Variants in FARP2 observed in about 807,000 individuals in gnomAD.
FARP2 encodes FERM, ARHGEF and pleckstrin domain-containing protein 2.
FARP2 carries 111 observed loss-of-function variants against 130.5 expected under a neutral mutation model. The observed-to-expected ratio is 0.85, with a 90% CI of 0.73 to 1.00. The LOEUF (loss-of-function observed/expected upper bound fraction) is 1.00, where lower values mean the gene tolerates loss of function less well. Ranked by LOEUF, FARP2 falls within the 50% of genes least tolerant of loss-of-function variation. The probability of loss-of-function intolerance (pLI) is 0.00; values close to 1 mark genes in which losing one functional copy is unlikely to be tolerated. For synonymous variants in FARP2, 504 were observed against 516.9 expected (o/e 0.98, Z 0.34); for missense variants, 1,385 against 1,346.3 (o/e 1.03, Z -0.45).
At position 241,491,682 on chromosome 2, in the gene FARP2, A is replaced by G; in HGVS notation, c.2787+3A>G. 1 of 1,591,242 alleles carries G rather than the reference A, an allele frequency of 6.3e-7. No homozygotes were observed. The highest frequency in any genetic ancestry group is 8.6e-7 in the Non-Finnish European group (1 of 1,166,306). On this transcript the variant is annotated splice_donor_region_variant and intron_variant, in intron 24 of 26. Transcript: ENST00000264042. Reference sequence around the variant, plus strand: ...CAGACCACAGTGCAGCTGTCGAGGTACGACCGCATGAGCACCACCTCAGTG... The same window carrying G: ...CAGACCACAGTGCAGCTGTCGAGGTGCGACCGCATGAGCACCACCTCAGTG...
intron 11 of FARP2, 121 bp downstream of exon 11, chr2:241,435,151 T>C: frequency 1.8e-6 from 1 of 565,402 alleles, no homozygotes; most frequent in East Asian, 3.4e-5. Flanking sequence ...TGGAATACAG[T>C]GGCATGATCA....
chr2:241,416,262 C>G (rs1214373934), intron 7 of FARP2, among the ~76,000 whole-genome samples: 1 of 151,990 alleles, frequency 6.6e-6, no homozygotes, highest in Non-Finnish European at 1.5e-5. Flanking sequence ...CCGCTAAAAA[C>G]CCTAGAAAGC....
At chr2:241,485,447 C>G (rs1300686523) in intron 21 of FARP2, among the ~76,000 whole-genome samples, 1 of 148,522 alleles carries the variant, frequency 6.7e-6, no homozygotes, top group East Asian at 2.0e-4. Context: ...TCCTAGAGTC[C>G]TCCCTCCCTC....
At chr2:241,412,911 C>T (rs1199123278) in intron 6 of FARP2, among the ~76,000 whole-genome samples, 2 of 152,092 alleles carry the variant, frequency 1.3e-5, no homozygotes, top group Non-Finnish European at 2.9e-5. Context: ...ACCTATAGTC[C>T]CAGCTACTTA....
chr2:241,466,697 C>CACCACCA, intron 17 of FARP2: 1 of 676,634 alleles, frequency 1.5e-6, no homozygotes, highest in Non-Finnish European at 1.8e-6. Context: ...CCACCCCCCC[C>CACCACCA]CCCACCACCA....
intron 14 of FARP2, among the ~76,000 whole-genome samples, chr2:241,458,463 T>C (rs938908721): frequency 2.0e-5 from 3 of 152,146 alleles, no homozygotes; most frequent in South Asian, 4.1e-4. Context: ...GGCAGTCTCC[T>C]CCTTCCTGGT....
In FARP2 at chr2:241,463,519, C is replaced by T. The variant is rs2064083623; in HGVS notation, c.1811+51C>T. 2.5e-6 allele frequency: 4 copies of T among 1,580,478 alleles called. No homozygotes were observed. The African/African-American group carries it at 5.4e-5, about 21-fold the overall frequency. ...GGAGACTCCCACACCAACTCATCAT[C>T]ACCGCTCTTAGGAACTTCCCAGCTT... On this transcript the variant is annotated intron_variant, in intron 16 of 26. Coordinates refer to ENST00000264042, the MANE Select transcript of FARP2 (RefSeq NM_014808.4).
At chr2:241,407,639 C>G (rs971591118) in intron 5 of FARP2, 24 bp downstream of exon 5, 5 of 1,564,688 alleles carry the variant, frequency 3.2e-6, no homozygotes, top group Non-Finnish European at 4.4e-6. Context: ...AGAGCTGAAG[C>G]TGTTGTCAGC....
chr2:241,432,697 A>C (rs979390578), intron 9 of FARP2, among the ~76,000 whole-genome samples: 2 of 152,248 alleles, frequency 1.3e-5, no homozygotes, highest in African/African-American at 4.8e-5. Flanking sequence ...AATGGAAAAA[A>C]TAAATGCCTG....
intron 13 of FARP2, among the ~76,000 whole-genome samples, chr2:241,447,337 A>T (rs538678172): frequency 6.6e-6 from 1 of 152,240 alleles, no homozygotes; most frequent in East Asian, 1.9e-4. Context: ...TTGTTTTAAT[A>T]TGGGTGATGA....
chr2:241,404,313 A>G (rs1379403914), intron 3 of FARP2, among the ~76,000 whole-genome samples: 2 of 152,248 alleles, frequency 1.3e-5, no homozygotes, highest in Non-Finnish European at 2.9e-5. Flanking sequence ...TTAAAGAACC[A>G]TACATCAACC....
intron 12 of FARP2, among the ~76,000 whole-genome samples, chr2:241,440,492 G>C (rs1014067224): frequency 1.3e-5 from 2 of 152,014 alleles, no homozygotes; most frequent in African/African-American, 4.8e-5. Flanking sequence ...CATCCTGCTT[G>C]GGAGCTGCTT....
intron 13 of FARP2, among the ~76,000 whole-genome samples, chr2:241,455,532 C>T (rs777429448): frequency 2.6e-5 from 4 of 151,998 alleles, no homozygotes; most frequent in Non-Finnish European, 5.9e-5. Flanking sequence ...AGGCACCCGC[C>T]GCCATGCCCG....
intron 18 of FARP2, among the ~76,000 whole-genome samples, chr2:241,474,684 C>T (rs974055151): frequency 6.6e-6 from 1 of 151,252 alleles, no homozygotes; most frequent in Non-Finnish European, 1.5e-5. Flanking sequence ...CCCCGCTACT[C>T]GGGAGGCTGA....
At position 241,401,621 on chromosome 2, in the gene FARP2, C is replaced by G. The variant is rs2062168230; in HGVS notation, c.184-2207C>G. Among the ~76,000 whole-genome samples, 3 of 152,104 alleles carry G rather than the reference C, an allele frequency of 2.0e-5. No homozygotes were observed. In the South Asian group the frequency reaches 6.2e-4, roughly 32 times the overall value. ...CAAGCAATCCTCCTCCCTCAGGTTGCTGAGTTCACAGGCGTGAGCTACCAT... is the reference window on the plus strand; with the variant it reads ...CAAGCAATCCTCCTCCCTCAGGTTGGTGAGTTCACAGGCGTGAGCTACCAT... On this transcript the variant is annotated intron_variant, in intron 2 of 26. Coordinates refer to ENST00000264042, the MANE Select transcript of FARP2 (RefSeq NM_014808.4).
At chr2:241,433,525 G>A (rs754603898) in intron 9 of FARP2, among the ~76,000 whole-genome samples, 1 of 152,168 alleles carries the variant, frequency 6.6e-6, no homozygotes, top group Non-Finnish European at 1.5e-5. Context: ...AAACAATTCA[G>A]TAATAACATG....
chr2:241,443,943 G>A (rs2063454197), intron 13 of FARP2: 1 of 152,262 alleles, frequency 6.6e-6, no homozygotes, highest in African/African-American at 2.4e-5. Flanking sequence ...ACGTGGCTCA[G>A]GTGTCTGAGC....
At chr2:241,411,181 T>C (rs979310734) in intron 6 of FARP2, 51 bp downstream of exon 6, 5 of 1,252,890 alleles carry the variant, frequency 4.0e-6, no homozygotes, top group African/African-American at 3.0e-5. Context: ...GGCACAGATA[T>C]ACCCGCACTC....
chr2:241,399,900 A>T (rs554610640), intron 2 of FARP2, among the ~76,000 whole-genome samples: 1 of 152,302 alleles, frequency 6.6e-6, no homozygotes, highest in Admixed American at 6.5e-5. Flanking sequence ...CCCTGGCACC[A>T]TTCATGAAAA....
Sources: allele counts gnomAD v4.1 joint callset (sites outside exome capture counted in the v4.1 genomes callset), GRCh38; gene constraint gnomAD v4.1.1; transcripts MANE v1.5; gene names NCBI Gene and HGNC (gene_info 2026-07-23, HGNC 2026-07-21).